Variants in SYNPR observed in about 807,000 individuals in gnomAD.
SYNPR encodes the protein synaptoporin.
A neutral mutation model predicts 32.9 loss-of-function variants in SYNPR; 23 were observed. The observed-to-expected ratio is 0.70, with a 90% confidence interval of 0.50 to 0.99. The LOEUF (loss-of-function observed/expected upper bound fraction) is 0.99, where lower values mean the gene tolerates loss of function less well. Ranked by LOEUF, SYNPR falls within the 50% of genes least tolerant of loss-of-function variation. The probability of loss-of-function intolerance (pLI) is 0.00; values close to 1 mark genes in which losing one functional copy is unlikely to be tolerated. For synonymous variants in SYNPR, 146 were observed against 135.9 expected (o/e 1.07, Z -0.52); for missense variants, 318 against 349.3 (o/e 0.91, Z 0.71).
At chr3:63,235,179 G>A (rs1027010772) in intron 1 of SYNPR, among the ~76,000 whole-genome samples, 1 of 152,116 alleles carries the variant, frequency 6.6e-6, no homozygotes, top group African/African-American at 2.4e-5. Flanking sequence ...TTGAGATACT[G>A]AATAGCACCA....
In SYNPR at chr3:63,445,913, T is replaced by A. The variant is rs1037404862; in HGVS notation, c.85-34919T>A. ...CTGATACAAGGTAGTCTCCTTCCTCTCAGACTATGTCTTTATGATTCCAAG... is the reference window on the plus strand; with the variant it reads ...CTGATACAAGGTAGTCTCCTTCCTCACAGACTATGTCTTTATGATTCCAAG... On this transcript the variant is annotated intron_variant, in intron 2 of 5. Transcript: ENST00000478300. 3.9e-5 allele frequency among the ~76,000 whole-genome samples: 6 copies of A among 152,324 alleles called. No individual in the cohort carries two copies. The South Asian group carries it at 1.0e-3, about 26-fold the overall frequency.
chr3:63,506,783 A>G (rs1207608215), intron 3 of SYNPR, among the ~76,000 whole-genome samples: 2 of 152,182 alleles, frequency 1.3e-5, no homozygotes, highest in African/African-American at 4.8e-5. Flanking sequence ...ATAATCTTAA[A>G]AGGATCATTT....
At chr3:63,607,904 G>A (rs78740783) in intron 4 of SYNPR, among the ~76,000 whole-genome samples, 3,132 of 152,234 alleles carry the variant, frequency 0.021, 118 homozygotes, top group African/African-American at 0.072. Context: ...TACAGAGCAA[G>A]TCAGATGCAC....
At chr3:63,427,120 A>G (rs2107139714) in intron 2 of SYNPR, among the ~76,000 whole-genome samples, 1 of 150,476 alleles carries the variant, frequency 6.6e-6, no homozygotes, top group African/African-American at 2.4e-5. Flanking sequence ...AGGATGAGTT[A>G]TATAAAATGG....
intron 2 of SYNPR, among the ~76,000 whole-genome samples, chr3:63,346,476 C>A (rs1185776772): frequency 6.6e-6 from 1 of 151,900 alleles, no homozygotes; most frequent in East Asian, 1.9e-4. Flanking sequence ...TTTATTTTTT[C>A]ATTTTTTTGT....
intron 2 of SYNPR, among the ~76,000 whole-genome samples, chr3:63,262,587 G>C (rs1254159058): frequency 6.6e-6 from 1 of 152,172 alleles, no homozygotes; most frequent in Non-Finnish European, 1.5e-5. Context: ...CAACAGTGGT[G>C]GAAATGTGAG....
At chr3:63,460,423 A>G (rs1302818837) in intron 2 of SYNPR, among the ~76,000 whole-genome samples, 1 of 152,008 alleles carries the variant, frequency 6.6e-6, no homozygotes, top group Non-Finnish European at 1.5e-5. Context: ...TTTGCTGATT[A>G]CTTAATCAAT....
chr3:63,330,559 T>C (rs2087217318), intron 2 of SYNPR, among the ~76,000 whole-genome samples: 1 of 152,066 alleles, frequency 6.6e-6, no homozygotes, highest in Non-Finnish European at 1.5e-5. Flanking sequence ...TCTCTCTCAG[T>C]GTGCATCTCA....
At chr3:63,241,183 T>A (rs1269041286) in intron 1 of SYNPR, among the ~76,000 whole-genome samples, 1 of 151,984 alleles carries the variant, frequency 6.6e-6, no homozygotes, top group Non-Finnish European at 1.5e-5. Context: ...GTTGGAAAGG[T>A]CAAAGGAGGA....
chr3:63,299,709 T>C (rs2086824269), intron 2 of SYNPR, among the ~76,000 whole-genome samples: 2 of 152,192 alleles, frequency 1.3e-5, no homozygotes, highest in Non-Finnish European at 1.5e-5. Flanking sequence ...GTCTCATTGA[T>C]ATTAACCAAA....
upstream of SYNPR, among the ~76,000 whole-genome samples, chr3:63,274,394 G>A (rs986398599): frequency 5.3e-5 from 8 of 150,326 alleles, no homozygotes; most frequent in African/African-American, 1.5e-4. Context: ...TTTCATTTGC[G>A]AACAAGGTAT....
chr3:63,437,568 A>AAGAAAGAAGAGTGAGAGAGAGAG (rs1244311111), intron 2 of SYNPR, among the ~76,000 whole-genome samples: 1 of 151,472 alleles, frequency 6.6e-6, no homozygotes, highest in Non-Finnish European at 1.5e-5. Flanking sequence ...GAGACAGAGA[A>AAGAAAGAAGAGTGAGAGAGAGAG]AGAAAGAAGA....
chr3:63,595,717 TTATATATATATATATATATATATATA>T lies in SYNPR; in HGVS notation c.409-13381_409-13356del, dbSNP rs1169780634. Among the ~76,000 whole-genome samples, 197 of 17,892 alleles carry T rather than the reference TTATATATATATATATATATATATATA, an allele frequency of 0.011. 20 individuals carry two copies. The East Asian group carries it at 0.18, about 16-fold the overall frequency. The allele number at this position is 17,892 out of a possible 152,430, so 11.7% of individuals were successfully genotyped here. A position where few individuals can be genotyped will look rare whatever the true frequency, so the allele number is the denominator to read the frequency against. On this transcript the variant is annotated intron_variant, in intron 4 of 5. Coordinates refer to ENST00000478300, the MANE Select transcript of SYNPR (RefSeq NM_001130003.2). ...GGTGGTGGGACTTCTGAATCTTATT[TTATATATATATATATATATATATATA>T]TATATATATATATATATATATATAT...
intron 2 of SYNPR, among the ~76,000 whole-genome samples, chr3:63,447,073 G>A (rs1247447439): frequency 6.6e-6 from 1 of 152,088 alleles, no homozygotes; most frequent in Admixed American, 6.5e-5. Context: ...TGTGGTATTA[G>A]AGCCAATACT....
chr3:63,566,325 A>T (rs1443310421), intron 4 of SYNPR, among the ~76,000 whole-genome samples: 2 of 152,240 alleles, frequency 1.3e-5, no homozygotes, highest in East Asian at 3.9e-4. Context: ...ATTTTTGCTA[A>T]TTCATCTTGT....
intron 2 of SYNPR, among the ~76,000 whole-genome samples, chr3:63,265,055 C>T (rs1252036394): frequency 6.6e-6 from 1 of 152,056 alleles, no homozygotes; most frequent in Non-Finnish European, 1.5e-5. Flanking sequence ...ATGAGAATAG[C>T]CCTTGCTCTC....
intron 2 of SYNPR, among the ~76,000 whole-genome samples, chr3:63,448,255 C>T (rs763041837): frequency 3.9e-5 from 6 of 152,186 alleles, no homozygotes; most frequent in Non-Finnish European, 7.3e-5. Flanking sequence ...CCTCCTGCCT[C>T]GGTCTCCCAA....
chr3:63,540,054 C>T (rs888453195), intron 3 of SYNPR, among the ~76,000 whole-genome samples: 8 of 152,112 alleles, frequency 5.3e-5, no homozygotes, highest in African/African-American at 1.9e-4. Flanking sequence ...ACAGGAGCTA[C>T]CACATGTGTC....
intron 2 of SYNPR, 100 bp downstream of exon 2, chr3:63,278,842 G>A (rs754240390): frequency 6.7e-5 from 88 of 1,303,896 alleles, no homozygotes; most frequent in Middle Eastern, 2.5e-4. Context: ...GCTCCAAGCC[G>A]GAGATTCAAC....
Sources: gnomAD v4.1 joint callset for allele counts (sites outside exome capture counted in the v4.1 genomes callset) on GRCh38, gnomAD v4.1.1 for gene constraint, MANE v1.5 for transcripts, NCBI Gene and HGNC (gene_info 2026-07-23, HGNC 2026-07-21) for gene names.